The following SLC2A13 variants were observed in gnomAD, a reference collection of about 807,000 sequenced individuals.
SLC2A13 encodes proton myo-inositol cotransporter.
SLC2A13 carries 32 observed loss-of-function variants against 64.4 expected under a neutral mutation model. The ratio of observed to expected loss-of-function variants is 0.50; its 90% CI spans 0.37 to 0.67. The LOEUF (loss-of-function observed/expected upper bound fraction) is 0.67. Among genes scored for constraint, SLC2A13 ranks in the 30% least tolerant of loss-of-function variants. The pLI, the probability that SLC2A13 is intolerant of heterozygous loss-of-function variation, is 0.00. For missense variants in SLC2A13, 743 were observed against 829.2 expected (o/e 0.90, Z 1.28); for synonymous variants, 338 against 327.1 (o/e 1.03, Z -0.36).
intron 7 of SLC2A13, among the ~76,000 whole-genome samples, chr12:39,816,565 AACTT>A (rs1175197865): frequency 6.9e-6 from 1 of 144,778 alleles, no homozygotes; most frequent in South Asian, 2.2e-4. Context: ...TGTACCCTAG[AACTT>A]ACTTAAAGTA....
At chr12:39,830,698 A>G (rs1942828360) in intron 6 of SLC2A13, among the ~76,000 whole-genome samples, 1 of 152,208 alleles carries the variant, frequency 6.6e-6, no homozygotes, top group Non-Finnish European at 1.5e-5. Flanking sequence ...ATCCTGAAAA[A>G]GAAAATTCAA....
intron 3 of SLC2A13, among the ~76,000 whole-genome samples, chr12:39,954,910 T>C (rs1377160859): frequency 6.6e-6 from 1 of 152,136 alleles, no homozygotes; most frequent in Non-Finnish European, 1.5e-5. Flanking sequence ...AACCTACAAT[T>C]GTACTCTCAT....
chr12:39,890,356 C>T (rs1005949137), intron 4 of SLC2A13, among the ~76,000 whole-genome samples: 1 of 152,074 alleles, frequency 6.6e-6, no homozygotes, highest in East Asian at 1.9e-4. Context: ...GAATATCTAT[C>T]CTCAAAGCTA....
At chr12:39,992,086 C>G (rs1458836495) in intron 3 of SLC2A13, among the ~76,000 whole-genome samples, 1 of 152,108 alleles carries the variant, frequency 6.6e-6, no homozygotes, top group Non-Finnish European at 1.5e-5. Context: ...CCACTGAGCT[C>G]CCCTGGTACC....
chr12:40,040,612 G>A (rs534539372), intron 2 of SLC2A13, among the ~76,000 whole-genome samples: 13 of 152,148 alleles, frequency 8.5e-5, no homozygotes, highest in African/African-American at 1.4e-4. Context: ...GGGTGGTCTC[G>A]AACTCCTGAC....
At chr12:40,020,815 A>G (rs1448293576) in intron 3 of SLC2A13, among the ~76,000 whole-genome samples, 1 of 152,206 alleles carries the variant, frequency 6.6e-6, no homozygotes, top group Non-Finnish European at 1.5e-5. Flanking sequence ...TTTACGAAGC[A>G]GACTATCACC....
intron 4 of SLC2A13, chr12:39,949,800 T>A (rs1299100655): frequency 6.6e-6 from 1 of 152,180 alleles, no homozygotes; most frequent in Non-Finnish European, 1.5e-5. Flanking sequence ...CGAATTCACA[T>A]AGGATTATTA....
At chr12:39,901,374 C>CAA (rs1171264304) in intron 4 of SLC2A13, among the ~76,000 whole-genome samples, 1 of 150,400 alleles carries the variant, frequency 6.6e-6, no homozygotes, top group African/African-American at 2.4e-5. Flanking sequence ...TTCTGCACAG[C>CAA]AAAAGAAACT....
intron 5 of SLC2A13, among the ~76,000 whole-genome samples, chr12:39,867,950 C>T (rs60776011): frequency 0.019 from 2,882 of 152,252 alleles, 99 homozygotes; most frequent in African/African-American, 0.065. Context: ...TCTTAAACGA[C>T]TTTATTTATA....
At chr12:39,890,028 A>T (rs868471784) in intron 4 of SLC2A13, among the ~76,000 whole-genome samples, 3 of 152,322 alleles carry the variant, frequency 2.0e-5, no homozygotes, top group African/African-American at 2.4e-5. Context: ...AGAAGTAGCA[A>T]GAAAATTACT....
intron 2 of SLC2A13, among the ~76,000 whole-genome samples, chr12:40,035,279 T>A (rs1947963729): frequency 6.6e-6 from 1 of 152,224 alleles, no homozygotes. Flanking sequence ...AGTTATGATT[T>A]ATGTAATATG....
chr12:39,907,675 T>C (rs769245015), intron 4 of SLC2A13: 2 of 152,146 alleles, frequency 1.3e-5, no homozygotes, highest in Non-Finnish European at 2.9e-5. Flanking sequence ...TAGAATGAGG[T>C]GCATCTCACC....
At chr12:40,018,309 C>A (rs1252657596) in intron 3 of SLC2A13, among the ~76,000 whole-genome samples, 2 of 152,316 alleles carry the variant, frequency 1.3e-5, no homozygotes, top group Non-Finnish European at 2.9e-5. Flanking sequence ...CCAAGTATTA[C>A]TATCTGGCCC....
intron 3 of SLC2A13, among the ~76,000 whole-genome samples, chr12:39,998,913 C>T (rs1300411344): frequency 1.3e-5 from 2 of 152,116 alleles, no homozygotes; most frequent in African/African-American, 4.8e-5. Context: ...TGAGAGAGCA[C>T]TGAATCATGT....
chr12:39,887,720 T>G (rs1421377551), intron 4 of SLC2A13, among the ~76,000 whole-genome samples: 1 of 152,222 alleles, frequency 6.6e-6, no homozygotes, highest in Non-Finnish European at 1.5e-5. Context: ...AAGACCATTT[T>G]ATAATTTGTC....
intron 3 of SLC2A13, among the ~76,000 whole-genome samples, chr12:39,989,939 G>C (rs1947104548): frequency 6.6e-6 from 1 of 152,128 alleles, no homozygotes; most frequent in Non-Finnish European, 1.5e-5. Context: ...TCGGTTTATG[G>C]TTGCATCCAC....
At chr12:39,979,933 G>C (rs1362303920) in intron 3 of SLC2A13, among the ~76,000 whole-genome samples, 2 of 143,446 alleles carry the variant, frequency 1.4e-5, no homozygotes, top group South Asian at 4.8e-4. Flanking sequence ...GAAAGGTCGG[G>C]TTACCCTCAA....
intron 1 of SLC2A13, among the ~76,000 whole-genome samples, chr12:40,076,126 T>C (rs1938163050): frequency 6.6e-6 from 1 of 152,196 alleles, no homozygotes; most frequent in South Asian, 2.1e-4. Context: ...TGCCTTTGCA[T>C]TATATTCTGA....
At chr12:39,812,995 A>ATTT (rs1942230856) in intron 7 of SLC2A13, among the ~76,000 whole-genome samples, 2 of 13,160 alleles carry the variant, frequency 1.5e-4, no homozygotes, top group Non-Finnish European at 1.7e-4. Context: ...ATGCCCAGCT[A>ATTT]ATTTTTTTTT....
Sources: allele counts gnomAD v4.1 joint callset (sites outside exome capture counted in the v4.1 genomes callset), GRCh38; gene constraint gnomAD v4.1.1; transcripts MANE v1.5; gene names NCBI Gene and HGNC (gene_info 2026-07-23, HGNC 2026-07-21).